Variants in SRPK2 observed in about 807,000 individuals in gnomAD.
The protein encoded by SRPK2 is SFRS protein kinase 2.
In SRPK2, 21 loss-of-function variants were observed where a neutral mutation model predicts 90.8. The ratio of observed to expected loss-of-function variants is 0.23; its 90% CI spans 0.16 to 0.33. The LOEUF is 0.33. Ranked by LOEUF, SRPK2 falls within the 10% of genes least tolerant of loss-of-function variation. The pLI is 1.00. For synonymous variants in SRPK2, 288 were observed against 311.1 expected (o/e 0.93, Z 0.78); for missense variants, 620 against 869.0 (o/e 0.71, Z 3.60).
chr7:105,123,952 C>G (rs768338638), intron 15 of SRPK2, among the ~76,000 whole-genome samples: 4 of 152,214 alleles, frequency 2.6e-5, no homozygotes, highest in African/African-American at 4.8e-5. Context: ...CATTTTAACT[C>G]TGCAGGTTAC....
At chr7:105,213,751 A>T (rs1222334089) in intron 2 of SRPK2, among the ~76,000 whole-genome samples, 1 of 152,220 alleles carries the variant, frequency 6.6e-6, no homozygotes, top group East Asian at 1.9e-4. Flanking sequence ...TGCAGAGTGA[A>T]TAAAATGTCA....
At chr7:105,384,135 G>GA (rs1379521468) in intron 2 of SRPK2, among the ~76,000 whole-genome samples, 1 of 151,908 alleles carries the variant, frequency 6.6e-6, no homozygotes, top group Non-Finnish European at 1.5e-5. Context: ...TAAAAGTTAT[G>GA]AAAAAAATAA....
intron 3 of SRPK2, among the ~76,000 whole-genome samples, chr7:105,181,881 T>TC (rs1554441930): frequency 1.2e-5 from 1 of 84,862 alleles, no homozygotes; most frequent in African/African-American, 3.7e-5. Flanking sequence ...AAGATAAAAG[T>TC]AAAAAAAAAA....
intron 2 of SRPK2, among the ~76,000 whole-genome samples, chr7:105,254,215 T>C (rs1343505334): frequency 6.6e-6 from 1 of 152,212 alleles, no homozygotes; most frequent in African/African-American, 2.4e-5. Flanking sequence ...CAATAATACT[T>C]AACTTTTACT....
chr7:105,371,938 T>C (rs1819735252), intron 2 of SRPK2, among the ~76,000 whole-genome samples: 1 of 151,922 alleles, frequency 6.6e-6, no homozygotes, highest in African/African-American at 2.4e-5. Context: ...ATCGAGACCA[T>C]TCTGGCTATC....
chr7:105,215,466 T>G (rs1563094479), intron 2 of SRPK2, among the ~76,000 whole-genome samples: 2 of 152,190 alleles, frequency 1.3e-5, no homozygotes, highest in Non-Finnish European at 2.9e-5. Context: ...AGAGTTATGA[T>G]GCAGCAATTC....
chr7:105,315,208 T>G (rs1350498366), intron 2 of SRPK2, among the ~76,000 whole-genome samples: 2 of 152,168 alleles, frequency 1.3e-5, no homozygotes, highest in African/African-American at 4.8e-5. Context: ...TTTTTTCCAT[T>G]TTATACTCTT....
At chr7:105,301,625 T>TA in intron 2 of SRPK2, 2 of 1,609,742 alleles carry the variant, frequency 1.2e-6, no homozygotes, top group South Asian at 2.2e-5. Context: ...CAATATAGGA[T>TA]AGGTGAAAAT....
chr7:105,374,049 T>C (rs545916071), intron 2 of SRPK2, among the ~76,000 whole-genome samples: 1 of 152,314 alleles, frequency 6.6e-6, no homozygotes, highest in Non-Finnish European at 1.5e-5. Flanking sequence ...TGTCTCAGCC[T>C]CCCAAGTAGC....
At chr7:105,213,572 A>G (rs1797105726) in intron 2 of SRPK2, among the ~76,000 whole-genome samples, 2 of 152,210 alleles carry the variant, frequency 1.3e-5, no homozygotes, top group African/African-American at 2.4e-5. Context: ...ATAATTGCCA[A>G]TATAAGTTTT....
chr7:105,376,107 G>T (rs950585590), intron 2 of SRPK2, among the ~76,000 whole-genome samples: 2 of 135,154 alleles, frequency 1.5e-5, no homozygotes, highest in East Asian at 4.7e-4. Flanking sequence ...CCATTCTCCT[G>T]CCTCAGCCTC....
chr7:105,244,086 G>A (rs1235984638), intron 2 of SRPK2, among the ~76,000 whole-genome samples: 2 of 152,182 alleles, frequency 1.3e-5, no homozygotes, highest in African/African-American at 4.8e-5. Context: ...GCTGGCAGGG[G>A]TAGAGGGCCC....
At chr7:105,192,752 A>C (rs559098010) in intron 3 of SRPK2, among the ~76,000 whole-genome samples, 1 of 152,244 alleles carries the variant, frequency 6.6e-6, no homozygotes, top group Admixed American at 6.5e-5. Context: ...TGCAGGAGTA[A>C]AGTGGTATTG....
chr7:105,260,558 A>C (rs888143990), intron 2 of SRPK2, among the ~76,000 whole-genome samples: 7 of 152,342 alleles, frequency 4.6e-5, no homozygotes, highest in African/African-American at 1.7e-4. Context: ...ACTATAAATC[A>C]TGCTGCTATA....
rs1326807312 is a variant in SRPK2 at position 105,388,675 on chromosome 7, C to G, written c.44G>C (p.Arg15Thr). ...TTTCGGATGTTTCTCTCTTTTCGGC[C>G]TCCGCTTTCGGGCCTGAATGGCCAG... is the stretch of plus-strand genomic sequence containing the variant. ...KVLAIQARKR[R>T]PKREKHPKKP... Residue 15 changes from arginine (R) to threonine (T), a missense_variant, in exon 2 of 16, where the codon AGG becomes ACG. This residue lies in a region of SRPK2 where 56 missense variants were observed against 49.6 expected (regional missense o/e 1.13). Coordinates refer to ENST00000393651, the MANE Select transcript of SRPK2 (RefSeq NM_182692.3). 6.3e-7 allele frequency: 1 copy of G among 1,589,380 alleles called. No homozygotes were observed. Among genetic ancestry groups the G allele is most frequent in the South Asian group, 1.1e-5 (1 of 88,656 alleles).
At chr7:105,358,285 C>G (rs569546602) in intron 2 of SRPK2, among the ~76,000 whole-genome samples, 2 of 150,336 alleles carry the variant, frequency 1.3e-5, no homozygotes, top group African/African-American at 2.4e-5. Flanking sequence ...AAACCAGAAG[C>G]CTTATCAATA....
chr7:105,132,036 A>G (rs1288785003), intron 13 of SRPK2, among the ~76,000 whole-genome samples: 5 of 152,186 alleles, frequency 3.3e-5, no homozygotes, highest in Non-Finnish European at 7.3e-5. Flanking sequence ...TGACCAAACG[A>G]TGCCAGGCAG....
intron 1 of SRPK2, among the ~76,000 whole-genome samples, chr7:105,396,594 G>A (rs1395964142): frequency 6.6e-6 from 1 of 151,512 alleles, no homozygotes; most frequent in Non-Finnish European, 1.5e-5. Flanking sequence ...TTGCGCCACT[G>A]CACTCCAGCC....
rs1017347208 is a variant in SRPK2, at chr7:105,118,809, G to A, written c.1916-787C>T. Among the ~76,000 whole-genome samples the A allele has an allele frequency of 2.6e-5, 4 of 152,006 alleles. No homozygotes were observed. The East Asian group carries it at 5.8e-4, about 22-fold the overall frequency. On this transcript the variant is annotated intron_variant, in intron 15 of 15. Coordinates refer to ENST00000393651, the MANE Select transcript of SRPK2 (RefSeq NM_182692.3). ...GTGGTACATCCCAGCTACTCAGGAG[G>A]CTGAGGCAGGAGCATTGCTTGAGTC...
Sources: allele counts gnomAD v4.1 joint callset (sites outside exome capture counted in the v4.1 genomes callset), GRCh38; gene constraint gnomAD v4.1.1; regional missense constraint gnomAD v4.1.1; transcripts MANE v1.5; gene names NCBI Gene and HGNC (gene_info 2026-07-23, HGNC 2026-07-21).